Variants in STPG2 observed in about 807,000 individuals in gnomAD.
STPG2 encodes the protein sperm-tail PG-rich repeat-containing protein 2.
A neutral mutation model predicts 54.2 loss-of-function variants in STPG2; 56 were observed. The observed-to-expected ratio is 1.03, with a 90% CI of 0.83 to 1.29. The LOEUF (loss-of-function observed/expected upper bound fraction) is 1.29. Among genes scored for constraint, STPG2 ranks in the 50% most tolerant of loss-of-function variants. STPG2 has a pLI of 0.00. For synonymous variants in STPG2, 200 were observed against 181.8 expected (o/e 1.10, Z -0.81); for missense variants, 596 against 544.9 (o/e 1.09, Z -0.93).
At chr4:97,443,539 C>T (rs915048720) in intron 4 of STPG2, among the ~76,000 whole-genome samples, 2 of 152,080 alleles carry the variant, frequency 1.3e-5, no homozygotes, top group Non-Finnish European at 2.9e-5. Context: ...GGAGAAGGGA[C>T]TCTAGTTAAT....
intron 10 of STPG2, among the ~76,000 whole-genome samples, chr4:97,711,561 C>T (rs1724121287): frequency 6.6e-6 from 1 of 152,070 alleles, no homozygotes; most frequent in Non-Finnish European, 1.5e-5. Flanking sequence ...GAATCAACAG[C>T]CAACAAGATA....
intron 8 of STPG2, among the ~76,000 whole-genome samples, chr4:97,872,568 A>C (rs1054629960): frequency 1.3e-5 from 2 of 151,372 alleles, no homozygotes. Context: ...ATTCAAAAAA[A>C]TCTGGAAAAC....
In STPG2 at chr4:97,990,365, G is replaced by A. The variant is rs145765189; in HGVS notation, c.613-9047C>T. 4.2e-3 allele frequency among the ~76,000 whole-genome samples: 642 copies of A among 151,936 alleles called. 3 individuals are homozygous for A. Among genetic ancestry groups the A allele is most frequent in the South Asian group, 0.024 (117 of 4,798 alleles). On this transcript the variant is annotated intron_variant, in intron 5 of 10. Coordinates refer to ENST00000295268, the MANE Select transcript of STPG2 (RefSeq NM_174952.3). ...AGTCTGTGACAACTGACCACTAAAG[G>A]GCAGGTTTCCACTTATGACATTATA...
At chr4:97,936,695 G>A (rs1292667457) in intron 8 of STPG2, among the ~76,000 whole-genome samples, 2 of 152,144 alleles carry the variant, frequency 1.3e-5, no homozygotes, top group Non-Finnish European at 2.9e-5. Context: ...TAAGAATGTT[G>A]AACATTGGCC....
At chr4:98,036,928 A>G (rs1227593662) in intron 5 of STPG2, among the ~76,000 whole-genome samples, 1 of 152,128 alleles carries the variant, frequency 6.6e-6, no homozygotes, top group Non-Finnish European at 1.5e-5. Context: ...TTAAGCCACA[A>G]AATTTTTCAA....
intron 8 of STPG2, among the ~76,000 whole-genome samples, chr4:97,905,816 A>G (rs917965781): frequency 1.3e-5 from 2 of 152,240 alleles, no homozygotes; most frequent in African/African-American, 4.8e-5. Flanking sequence ...CTTTGAAACC[A>G]ACGAGAACAA....
chr4:97,985,422 T>C (rs1022371374), intron 5 of STPG2, among the ~76,000 whole-genome samples: 2 of 152,162 alleles, frequency 1.3e-5, no homozygotes, highest in Non-Finnish European at 2.9e-5. Flanking sequence ...AAGGAAATAT[T>C]GTGTATTTAA....
At chr4:97,627,713 T>C (rs2148929799) in intron 10 of STPG2, among the ~76,000 whole-genome samples, 1 of 152,310 alleles carries the variant, frequency 6.6e-6, no homozygotes, top group South Asian at 2.1e-4. Context: ...ATTTTGGCAT[T>C]AATCTGAGTT....
intron 8 of STPG2, among the ~76,000 whole-genome samples, chr4:97,930,142 C>T (rs1732487080): frequency 6.6e-6 from 1 of 152,100 alleles, no homozygotes; most frequent in Non-Finnish European, 1.5e-5. Context: ...CGTAATCTAC[C>T]CACCTCAGCC....
chr4:97,873,480 T>C (rs1730062651), intron 8 of STPG2, among the ~76,000 whole-genome samples: 1 of 151,528 alleles, frequency 6.6e-6, no homozygotes, highest in African/African-American at 2.4e-5. Flanking sequence ...ATTTTAACTG[T>C]AGAAAAATTA....
At chr4:98,009,831 A>G (rs1327922207) in intron 5 of STPG2, among the ~76,000 whole-genome samples, 1 of 151,836 alleles carries the variant, frequency 6.6e-6, no homozygotes. Flanking sequence ...TCATAGTTCA[A>G]TCTCAGGGTT....
At chr4:97,895,417 G>A (rs1368876856) in intron 8 of STPG2, among the ~76,000 whole-genome samples, 1 of 151,838 alleles carries the variant, frequency 6.6e-6, no homozygotes, top group Non-Finnish European at 1.5e-5. Flanking sequence ...GAGGATGTAT[G>A]TCGATTCTGT....
At chr4:97,645,737 C>A (rs1721895510) in intron 10 of STPG2, among the ~76,000 whole-genome samples, 1 of 152,044 alleles carries the variant, frequency 6.6e-6, no homozygotes, top group South Asian at 2.1e-4. Flanking sequence ...TCCTTTCTGG[C>A]CAACTTCATG....
chr4:97,854,809 A>C (rs1729279754), intron 8 of STPG2, among the ~76,000 whole-genome samples: 1 of 152,142 alleles, frequency 6.6e-6, no homozygotes, highest in Non-Finnish European at 1.5e-5. Context: ...TAGGTAAACA[A>C]GTGCAATTTT....
chr4:97,487,199 G>T (rs1328034452), intron 4 of STPG2, among the ~76,000 whole-genome samples: 2 of 144,002 alleles, frequency 1.4e-5, no homozygotes, highest in Non-Finnish European at 3.1e-5. Flanking sequence ...ATAACCTATG[G>T]AAAAAAAAAA....
At chr4:97,623,910 T>C (rs1734076233) in intron 10 of STPG2, among the ~76,000 whole-genome samples, 1 of 152,186 alleles carries the variant, frequency 6.6e-6, no homozygotes, top group Admixed American at 6.5e-5. Flanking sequence ...GTTTCTGCAT[T>C]AGTTTGCTGA....
intron 10 of STPG2, among the ~76,000 whole-genome samples, chr4:97,567,404 T>C (rs939636500): frequency 6.7e-6 from 1 of 149,948 alleles, no homozygotes; most frequent in Admixed American, 6.7e-5. Context: ...TAGAGGAATT[T>C]AGCAATATCT....
intron 9 of STPG2, among the ~76,000 whole-genome samples, chr4:97,757,324 A>G (rs1052210796): frequency 2.0e-4 from 30 of 152,282 alleles, no homozygotes; most frequent in Non-Finnish European, 1.5e-4. Flanking sequence ...CAGCTCTTCT[A>G]ATTAAGCTTA....
chr4:97,523,705 C>T (rs994156729), intron 4 of STPG2, among the ~76,000 whole-genome samples: 3 of 151,942 alleles, frequency 2.0e-5, no homozygotes, highest in Non-Finnish European at 2.9e-5. Flanking sequence ...GGAAAAAACA[C>T]TGGGCAGTGA....
Sources: gnomAD v4.1 joint callset for allele counts (sites outside exome capture counted in the v4.1 genomes callset) on GRCh38, gnomAD v4.1.1 for gene constraint, MANE v1.5 for transcripts, NCBI Gene and HGNC (gene_info 2026-07-23, HGNC 2026-07-21) for gene names.